Variants in PARP10 observed in about 807,000 individuals in gnomAD.
PARP10 encodes poly(ADP-ribose) polymerase family member 10.
PARP10 carries 56 observed loss-of-function variants against 82.4 expected under a neutral mutation model. The ratio of observed to expected loss-of-function variants is 0.68; its 90% CI spans 0.55 to 0.85. The LOEUF is 0.85. Among genes scored for constraint, PARP10 ranks in the 40% least tolerant of loss-of-function variants. The probability of loss-of-function intolerance (pLI) is 0.00; values close to 1 mark genes in which losing one functional copy is unlikely to be tolerated. For synonymous variants in PARP10, 576 were observed against 601.1 expected (o/e 0.96, Z 0.61); for missense variants, 1,227 against 1,379.4 (o/e 0.89, Z 1.75).
chr8:143,999,651 T>C (rs1039810346), intron 1 of PARP10, among the ~76,000 whole-genome samples: 7 of 135,462 alleles, frequency 5.2e-5, no homozygotes, highest in Non-Finnish European at 1.0e-4. Context: ...AAATTGAGCT[T>C]CTTTTTTTTT....
In PARP10 at chr8:143,982,841, G is replaced by C. The variant is rs1440283117; in HGVS notation, c.2556+91C>G. 8.4e-6 allele frequency: 13 copies of C among 1,547,384 alleles called. No individual in the cohort carries two copies. In the East Asian group the frequency reaches 2.7e-4, roughly 32 times the overall value. The stretch of plus-strand genomic sequence containing the variant: ...CTCCTGGTCAGCTGACCTTGATGTA[G>C]GCGAGAGGGACAGGCCACAGACTTG... On this transcript the variant is annotated intron_variant, in intron 9 of 10. Transcript: ENST00000313028.
upstream of PARP10, among the ~76,000 whole-genome samples, chr8:143,988,569 C>A (rs1182655921): frequency 6.6e-6 from 1 of 150,988 alleles, no homozygotes; most frequent in Non-Finnish European, 1.5e-5. Flanking sequence ...AGGTTCAAGC[C>A]ATTCTCCTGC....
chr8:143,978,088 G>C lies in PARP10; in HGVS notation c.2557-7C>G. On this transcript the variant is annotated splice_region_variant and splice_polypyrimidine_tract_variant and intron_variant, in intron 9 of 10. Transcript: ENST00000313028. ...GGTGCGACACGCGCTCCACCTGCGG[G>C]GAAGGCCCGGGCCAGGATTAAACAC... is the stretch of plus-strand genomic sequence containing the variant. The C allele has an allele frequency of 2.0e-6, 3 of 1,502,666 alleles. No homozygotes were observed. Among genetic ancestry groups the C allele is most frequent in the African/African-American group, 1.4e-5 (1 of 72,436 alleles). The allele number at this position is 1,502,666 out of a possible 1,614,324, so 93.1% of individuals were successfully genotyped here. A position where few individuals can be genotyped will look rare whatever the true frequency, so the allele number is the denominator to read the frequency against.
rs1375782887 is a variant in PARP10, at chr8:144,011,873, G to A, written c.-80+657C>T. Among the ~76,000 whole-genome samples, 1 of 152,172 alleles carries A rather than the reference G, an allele frequency of 6.6e-6. No homozygotes were observed. Among genetic ancestry groups the A allele is most frequent in the Non-Finnish European group, 1.5e-5 (1 of 68,044 alleles). On this transcript the variant is annotated intron_variant, in intron 1 of 3. Coordinates refer to the PARP10 transcript ENST00000530478. The surrounding 1 kb of genome is among the most constrained non-coding windows in gnomAD (Gnocchi z 4.5). ...GAGACTCTGAGCACCTGGGTCAGAA[G>A]AAATCATGGGCGAGTGTCCAGGCCT...
chr8:143,992,353 G>A (rs369042024), upstream of PARP10: 161 of 1,596,834 alleles, frequency 1.0e-4, 7 homozygotes, highest in South Asian at 1.3e-3. Flanking sequence ...CTGCTTCACC[G>A]TCGTCATCTT....
At chr8:143,985,686 CT>C (rs1564253423) in intron 3 of PARP10, 34 bp downstream of exon 3, 3 of 1,602,550 alleles carry the variant, frequency 1.9e-6, no homozygotes, top group African/African-American at 1.3e-5. Context: ...GGAATCCCCC[CT>C]AGCCAGCACC....
upstream of PARP10, among the ~76,000 whole-genome samples, chr8:143,987,614 C>T (rs563391554): frequency 7.2e-5 from 11 of 152,268 alleles, no homozygotes; most frequent in South Asian, 1.0e-3. Context: ...TCCTGGGGGC[C>T]GGGCGCAGTG....
rs534661651 is a variant in PARP10, at chr8:144,008,414, G to C, written c.-80+4116C>G. On this transcript the variant is annotated intron_variant, in intron 1 of 3. Coordinates refer to the PARP10 transcript ENST00000530478. The surrounding 1 kb of genome is among the most constrained non-coding windows in gnomAD (Gnocchi z 4.0). ...GCCTTGCCAAGCTGAAATGCTGAGC[G>C]GAATCAAATGAGGCAAATTTGAATG... is the stretch of plus-strand genomic sequence containing the variant. 3.3e-5 allele frequency among the ~76,000 whole-genome samples: 5 copies of C among 152,222 alleles called. No homozygotes were observed. Among genetic ancestry groups the C allele is most frequent in the Non-Finnish European group, 7.3e-5 (5 of 68,036 alleles).
intron 7 of PARP10, 65 bp downstream of exon 7, chr8:143,983,943 G>T: frequency 1.4e-6 from 2 of 1,474,342 alleles, no homozygotes; most frequent in Non-Finnish European, 1.8e-6. Context: ...GGAGCACAGA[G>T]CAGGGCAGGG....
chr8:143,987,881 A>G (rs1214831012), upstream of PARP10, among the ~76,000 whole-genome samples: 3 of 145,882 alleles, frequency 2.1e-5, no homozygotes, highest in Non-Finnish European at 4.6e-5. Flanking sequence ...ATAGAGTGAG[A>G]CTCTGTCTAA....
upstream of PARP10, among the ~76,000 whole-genome samples, chr8:143,994,116 A>G (rs1834143349): frequency 6.6e-6 from 1 of 152,138 alleles, no homozygotes; most frequent in Admixed American, 6.5e-5. Context: ...GGACTTGGAT[A>G]TTCCCACTGC....
chr8:144,005,122 C>T (rs1254751671), intron 1 of PARP10, among the ~76,000 whole-genome samples: 1 of 149,980 alleles, frequency 6.7e-6, no homozygotes, highest in African/African-American at 2.5e-5. Flanking sequence ...GAGGTTGCAG[C>T]GAGCTGAGAT....
chr8:143,990,349 G>A (rs1475125335), upstream of PARP10: 1 of 150,908 alleles, frequency 6.6e-6, no homozygotes, highest in East Asian at 1.9e-4. The surrounding 1 kb of genome is among the most constrained non-coding windows in gnomAD (Gnocchi z 5.6). Flanking sequence ...GCGGCAGCTC[G>A]CGGCCAGAGG....
At chr8:144,006,177 G>T (rs549837268) in intron 1 of PARP10, among the ~76,000 whole-genome samples, 4 of 152,348 alleles carry the variant, frequency 2.6e-5, no homozygotes, top group African/African-American at 7.2e-5. Context: ...GCTGTTCCCT[G>T]CTGTGTCCTG....
In PARP10 at chr8:143,984,168, G is replaced by A. The variant is rs782530214; in HGVS notation, c.1680+42C>T. 38 of 1,592,470 alleles carry A rather than the reference G, an allele frequency of 2.4e-5. No individual in the cohort carries two copies. In the South Asian group the frequency reaches 4.2e-4, roughly 17 times the overall value. ...AAGGGCAGAGGAGGCCTGGGGCAGA[G>A]GCGTGAGAAAGGGGAGGGCAGGGGT... On this transcript the variant is annotated intron_variant, in intron 6 of 10. Coordinates refer to ENST00000313028, the MANE Select transcript of PARP10 (RefSeq NM_032789.5).
Position 143,986,232 on chromosome 8 carries a change from C to T in PARP10, c.4G>A (p.Val2Ile), listed in dbSNP as rs370323755. Residue 2 changes from valine (V) to isoleucine (I), a missense_variant and splice_region_variant, in exon 2 of 11, where the codon GTT becomes ATT. By Grantham distance (29) the Val-to-Ile change is conservative. Transcript: ENST00000313028. M[V>I]AMAEAEAGVA... is the part of the protein sequence containing the mutation. ...CCTGCCTCTGCCTCCGCCATTGCAA[C>T]CCTGGGACGGGGCATCAGGTGGGTA... 3 of 1,613,862 alleles carry T rather than the reference C, an allele frequency of 1.9e-6. No individual in the cohort carries two copies. The highest frequency in any genetic ancestry group is 2.5e-6 in the Non-Finnish European group (3 of 1,179,896).
chr8:143,999,401 ACCATGTTGC>A (rs1333534285), intron 1 of PARP10, among the ~76,000 whole-genome samples: 13 of 152,062 alleles, frequency 8.5e-5, no homozygotes, highest in African/African-American at 2.2e-4. Context: ...ATGGGGTTTC[ACCATGTTGC>A]CCAGGTTGGT....
chr8:143,992,182 A>T, upstream of PARP10: 2 of 1,599,542 alleles, frequency 1.3e-6, no homozygotes, highest in South Asian at 2.2e-5. Context: ...CTCATGAGGC[A>T]GGGGCCGGCA....
upstream of PARP10, among the ~76,000 whole-genome samples, chr8:143,994,845 A>G (rs1441942555): frequency 6.6e-6 from 1 of 152,214 alleles, no homozygotes; most frequent in African/African-American, 2.4e-5. Context: ...GTGCTCCAGC[A>G]TGCTGAGGAG....
Sources: gnomAD v4.1 joint callset for allele counts (sites outside exome capture counted in the v4.1 genomes callset) on GRCh38, gnomAD v4.1.1 for gene constraint, Gnocchi (gnomAD v3.1) non-coding constraint, MANE v1.5 for transcripts, NCBI Gene and HGNC (gene_info 2026-07-23, HGNC 2026-07-21) for gene names.